Variants in DRC9 observed in about 807,000 individuals in gnomAD.
DRC9 encodes the protein dynein regulatory complex protein 9.
At chr3:197,889,940 G>T in the DRC9 span, among the ~76,000 whole-genome samples, 4 of 152,144 alleles carry the variant, frequency 2.6e-5, no homozygotes, top group Non-Finnish European at 5.9e-5. Flanking sequence ...TAAAAATAAA[G>T]AAAAGGAATC....
chr3:197,928,546 C>G, the DRC9 span, among the ~76,000 whole-genome samples: 1 of 152,018 alleles, frequency 6.6e-6, no homozygotes, highest in Non-Finnish European at 1.5e-5. Flanking sequence ...GGTGGGGTGT[C>G]ACCATGTTGG....
chr3:197,940,308 C>CATATATAT, the DRC9 span, among the ~76,000 whole-genome samples: 1 of 146,340 alleles, frequency 6.8e-6, no homozygotes, highest in Non-Finnish European at 1.5e-5. Flanking sequence ...TAAAAATTTA[C>CATATATAT]ATATATATAT....
chr3:197,890,414 AAAAAG>A, the DRC9 span, among the ~76,000 whole-genome samples: 297 of 152,194 alleles, frequency 2.0e-3, no homozygotes, highest in African/African-American at 6.9e-3. Context: ...CAAAAAAAAA[AAAAAG>A]AAAAGCACAG....
chr3:197,951,899 T>C, the DRC9 span, among the ~76,000 whole-genome samples: 2 of 152,134 alleles, frequency 1.3e-5, no homozygotes, highest in South Asian at 2.1e-4. Flanking sequence ...GGTTTCCCCA[T>C]GTTGGCCAGG....
the DRC9 span, among the ~76,000 whole-genome samples, chr3:197,941,020 G>GGTTT: frequency 1 from 152,007 of 152,302 alleles, 75,857 homozygotes; most frequent in East Asian, 1. Flanking sequence ...TTAGAACACT[G>GGTTT]TCATTCTTGA....
At chr3:197,940,291 T>C in the DRC9 span, among the ~76,000 whole-genome samples, 1 of 146,714 alleles carries the variant, frequency 6.8e-6, no homozygotes, top group Non-Finnish European at 1.5e-5. Context: ...CCACCGTGCC[T>C]GGCCTCTAAA....
chr3:197,948,467 A>G, the DRC9 span, among the ~76,000 whole-genome samples: 1 of 152,226 alleles, frequency 6.6e-6, no homozygotes, highest in Admixed American at 6.5e-5. Flanking sequence ...GCAACATGAC[A>G]ACGATGCTCA....
chr3:197,959,565 AG>A, the DRC9 span: 4 of 152,172 alleles, frequency 2.6e-5, no homozygotes, highest in African/African-American at 9.7e-5. Context: ...CAGCTCAGTG[AG>A]TTCGTAATTT....
chr3:197,939,556 G>A, the DRC9 span, among the ~76,000 whole-genome samples: 1 of 152,216 alleles, frequency 6.6e-6, no homozygotes, highest in Non-Finnish European at 1.5e-5. Flanking sequence ...TGAGGCACAC[G>A]ATGCAGCGAC....
chr3:197,930,736 GAAAA>G, the DRC9 span, among the ~76,000 whole-genome samples: 4 of 94,244 alleles, frequency 4.2e-5, no homozygotes, highest in East Asian at 1.2e-3. Context: ...CTCAGTCTCA[GAAAA>G]AAAAAAAAAA....
the DRC9 span, chr3:197,954,034 A>C: frequency 3.7e-6 from 6 of 1,613,544 alleles, no homozygotes; most frequent in African/African-American, 6.7e-5. Context: ...CAAACCAAAC[A>C]AAACCAGAGT....
the DRC9 span, among the ~76,000 whole-genome samples, chr3:197,943,125 T>G: frequency 2.6e-5 from 4 of 152,180 alleles, no homozygotes; most frequent in Non-Finnish European, 4.4e-5. Context: ...AAAGTCATTT[T>G]AGATTAAAGC....
the DRC9 span, among the ~76,000 whole-genome samples, chr3:197,937,402 A>C: frequency 9.9e-5 from 15 of 152,224 alleles, no homozygotes; most frequent in South Asian, 2.1e-4. Context: ...TGTGCCAGGT[A>C]CTAAAGCCTT....
chr3:197,897,952 T>TTTG, the DRC9 span, among the ~76,000 whole-genome samples: 2 of 150,518 alleles, frequency 1.3e-5, no homozygotes, highest in African/African-American at 4.9e-5. Flanking sequence ...TTTTTTTTTT[T>TTTG]TTGTATTTTT....
chr3:197,945,755 C>T, the DRC9 span: 1 of 671,580 alleles, frequency 1.5e-6, no homozygotes, highest in African/African-American at 1.8e-5. Context: ...TATTTCTATA[C>T]CATTTCATTA....
chr3:197,914,498 T>C, the DRC9 span, among the ~76,000 whole-genome samples: 223 of 152,334 alleles, frequency 1.5e-3, no homozygotes, highest in African/African-American at 5.1e-3. Context: ...TAGGTTTCCT[T>C]GAGAACACGT....
chr3:197,948,979 T>C, the DRC9 span, among the ~76,000 whole-genome samples: 1 of 152,106 alleles, frequency 6.6e-6, no homozygotes, highest in African/African-American at 2.4e-5. Context: ...TCAGATAGAG[T>C]CACCCTTCTG....
the DRC9 span, among the ~76,000 whole-genome samples, chr3:197,895,900 A>G: frequency 6.7e-6 from 1 of 150,020 alleles, no homozygotes. Flanking sequence ...ACTTGAGCCC[A>G]GGATGCGGAG....
chr3:197,951,188 A>G, the DRC9 span: 11 of 1,614,194 alleles, frequency 6.8e-6, no homozygotes, highest in East Asian at 6.7e-5. Flanking sequence ...TTTGCTGGCT[A>G]TAAGCGGGGT....
Sources: allele counts gnomAD v4.1 joint callset (sites outside exome capture counted in the v4.1 genomes callset), GRCh38; gene constraint gnomAD v4.1.1; transcripts MANE v1.5; gene names NCBI Gene and HGNC (gene_info 2026-07-23, HGNC 2026-07-21).